TMA16: variants seen among roughly 807,000 people sequenced by gnomAD.
The protein encoded by TMA16 is translation machinery associated 16 homolog, also known as translation machinery-associated protein 16.
Under a neutral mutation model 27.1 loss-of-function variants are expected in TMA16, and 26 were observed. That is an observed-to-expected ratio of 0.96 (90% CI 0.70 to 1.33). TMA16 has a LOEUF of 1.33. Ranked by LOEUF, TMA16 falls within the 40% of genes most tolerant of loss-of-function variation. The probability of loss-of-function intolerance (pLI) is 0.00; values close to 1 mark genes in which losing one functional copy is unlikely to be tolerated. For missense variants in TMA16, 233 were observed against 241.4 expected, an observed-to-expected ratio of 0.97 and a Z score of 0.23; for synonymous variants, 71 against 81.9, an observed-to-expected ratio of 0.87 and a Z score of 0.72.
chr4:163,519,127 G>A (rs954591272), intron 6 of TMA16, among the ~76,000 whole-genome samples: 1 of 152,092 alleles, frequency 6.6e-6, no homozygotes, highest in Non-Finnish European at 1.5e-5. Context: ...CTTGATCTGG[G>A]TAGCATGAGA....
intron 1 of TMA16, among the ~76,000 whole-genome samples, chr4:163,504,358 A>G (rs146677238): frequency 6.6e-6 from 1 of 152,324 alleles, no homozygotes; most frequent in Non-Finnish European, 1.5e-5. Context: ...ACCAATATTT[A>G]TGATCTCTCC....
In TMA16 at chr4:163,519,837, A is replaced by G; in HGVS notation, c.*323A>G. 2.0e-6 allele frequency: 1 copy of G among 508,754 alleles called. No individual in the cohort carries two copies. The highest frequency in any genetic ancestry group is 3.5e-6 in the Non-Finnish European group (1 of 288,356). 31.5% of individuals were successfully genotyped at this position (508,754 alleles called of 1,614,324 possible). The stretch of plus-strand genomic sequence containing the variant: ...TGTGTATTTATGATCACCTAATTTC[A>G]CGTTTTGTGAAATGGACAGTAACCT... On this transcript the variant is annotated 3_prime_UTR_variant, in exon 7 of 7. Coordinates refer to ENST00000358572, the MANE Select transcript of TMA16 (RefSeq NM_018352.3).
chr4:163,508,105 CAGT>C (rs1156610196), intron 2 of TMA16, among the ~76,000 whole-genome samples: 4 of 152,018 alleles, frequency 2.6e-5, no homozygotes, highest in African/African-American at 9.7e-5. Context: ...TGCTTTAGCA[CAGT>C]AGTTTTCAAA....
At chr4:163,498,170 T>C (rs1737588854) in intron 1 of TMA16, among the ~76,000 whole-genome samples, 1 of 152,222 alleles carries the variant, frequency 6.6e-6, no homozygotes, top group African/African-American at 2.4e-5. Flanking sequence ...TTAAATTGTT[T>C]ACATTCTTTT....
At chr4:163,495,947 A>G (rs148910978) in intron 1 of TMA16, among the ~76,000 whole-genome samples, 4 of 152,194 alleles carry the variant, frequency 2.6e-5, no homozygotes, top group Non-Finnish European at 5.9e-5. Context: ...AGAGTGGAAT[A>G]TGAAAGCAAT....
intron 2 of TMA16, among the ~76,000 whole-genome samples, chr4:163,511,002 T>C (rs1403608355): frequency 3.3e-5 from 5 of 152,234 alleles, no homozygotes; most frequent in Non-Finnish European, 7.3e-5. Flanking sequence ...TGGGTAGATG[T>C]TTGAGTTTAT....
intron 5 of TMA16, 95 bp from the exon 6 acceptor site, chr4:163,517,339 T>C: frequency 1.6e-6 from 2 of 1,256,074 alleles, no homozygotes; most frequent in Admixed American, 4.2e-5. Flanking sequence ...TTGTTTTCTG[T>C]TGGATATTCT....
rs766212171 is a variant in TMA16, at chr4:163,515,399, G to C, written c.326G>C (p.Arg109Pro). Residue 109 changes from arginine (R) to proline (P), a missense_variant, in exon 5 of 7, where the codon CGG becomes CCG. By Grantham distance (103) the Arg-to-Pro change is moderately radical. Coordinates refer to ENST00000358572, the MANE Select transcript of TMA16 (RefSeq NM_018352.3). ...AGGCAGGGGAGGCGGCACTGTTCCC[G>C]GGAGACCGTCATCAAGCAGACGATG... ...RDRQGRRHCS[R>P]ETVIKQTMER... The C allele has an allele frequency of 3.7e-6, 6 of 1,614,090 alleles. No homozygotes were observed.
At chr4:163,517,866 A>T (rs759282397) in intron 6 of TMA16, among the ~76,000 whole-genome samples, 2 of 151,902 alleles carry the variant, frequency 1.3e-5, no homozygotes, top group Non-Finnish European at 2.9e-5. Flanking sequence ...TATAGGAATG[A>T]CTCCAGGGAA....
intron 1 of TMA16, among the ~76,000 whole-genome samples, chr4:163,497,975 A>G (rs755453209): frequency 1.3e-5 from 2 of 152,212 alleles, no homozygotes; most frequent in Non-Finnish European, 2.9e-5. Context: ...ACCAGCATAT[A>G]TGTATGTTCC....
chr4:163,499,506 A>G (rs932530433), intron 1 of TMA16, among the ~76,000 whole-genome samples: 3 of 152,272 alleles, frequency 2.0e-5, no homozygotes, highest in Admixed American at 6.5e-5. Context: ...AATTTTAAAA[A>G]GATTCCTATG....
chr4:163,512,920 T>A (rs1288048032), intron 3 of TMA16, 61 bp downstream of exon 3: 5 of 1,311,784 alleles, frequency 3.8e-6, no homozygotes, highest in Non-Finnish European at 5.3e-6. Flanking sequence ...GCCCTATACT[T>A]GTTTTTCTTT....
At chr4:163,502,903 C>T (rs981173076) in intron 1 of TMA16, among the ~76,000 whole-genome samples, 4 of 152,120 alleles carry the variant, frequency 2.6e-5, no homozygotes, top group Non-Finnish European at 4.4e-5. Context: ...CCGTCATTCA[C>T]GGCATAATGA....
rs1262985027 is a variant in TMA16, at chr4:163,519,995, G to A, written c.*481G>A. On this transcript the variant is annotated 3_prime_UTR_variant, in exon 7 of 7. Coordinates refer to ENST00000358572, the MANE Select transcript of TMA16 (RefSeq NM_018352.3). ...CCTTTTTTACAGAATAAGGGAAAATGTGATAAGAAGTTTGTATACATTTCT... is the reference window on the plus strand; with the variant it reads ...CCTTTTTTACAGAATAAGGGAAAATATGATAAGAAGTTTGTATACATTTCT... 1 of 609,080 alleles carries A rather than the reference G, an allele frequency of 1.6e-6. No individual in the cohort carries two copies. Among genetic ancestry groups the A allele is most frequent in the Non-Finnish European group, 3.0e-6 (1 of 332,330 alleles). The allele number at this position is 609,080 out of a possible 1,614,324, so 37.7% of individuals were successfully genotyped here.
chr4:163,510,981 A>G (rs1297937956), intron 2 of TMA16, among the ~76,000 whole-genome samples: 4 of 152,208 alleles, frequency 2.6e-5, no homozygotes, highest in South Asian at 2.1e-4. Flanking sequence ...ACTTCCTAGA[A>G]CTATAATTGT....
In TMA16 at chr4:163,494,762, C is replaced by G. The variant is rs771060924; in HGVS notation, c.-40C>G. 1.1e-5 allele frequency: 17 copies of G among 1,613,102 alleles called. No individual in the cohort carries two copies. The South Asian group carries it at 1.6e-4, about 16-fold the overall frequency. ...CTGCGGTTGGTGAGATTACCTGGGT[C>G]TAGAGTGCGGAGCTGCTCCGTGGCC... On this transcript the variant is annotated 5_prime_UTR_variant, in exon 1 of 7. Transcript: ENST00000358572.
chr4:163,510,178 CAG>C (rs1315027195), intron 2 of TMA16, among the ~76,000 whole-genome samples: 7 of 152,176 alleles, frequency 4.6e-5, no homozygotes, highest in Admixed American at 3.9e-4. Context: ...AAATTCCCCT[CAG>C]AGCCATTCTC....
At chr4:163,514,744 C>G (rs1391886329) in intron 4 of TMA16, among the ~76,000 whole-genome samples, 1 of 152,170 alleles carries the variant, frequency 6.6e-6, no homozygotes, top group Non-Finnish European at 1.5e-5. Context: ...GTTCATGACT[C>G]TGGTCAGGAA....
chr4:163,501,654 T>C (rs1156905100), intron 1 of TMA16, among the ~76,000 whole-genome samples: 1 of 152,178 alleles, frequency 6.6e-6, no homozygotes, highest in Non-Finnish European at 1.5e-5. Context: ...GATGCAAGTG[T>C]TTGTTGACAT....
Sources: allele counts gnomAD v4.1 joint callset (sites outside exome capture counted in the v4.1 genomes callset), GRCh38; gene constraint gnomAD v4.1.1; transcripts MANE v1.5; gene names NCBI Gene and HGNC (gene_info 2026-07-23, HGNC 2026-07-21).